The following LDLRAD4 variants were observed in gnomAD, a reference collection of about 807,000 sequenced individuals.
The protein encoded by LDLRAD4 is low-density lipoprotein receptor class A domain-containing protein 4.
LDLRAD4 carries 5 observed loss-of-function variants against 17.0 expected under a neutral mutation model. The observed-to-expected ratio is 0.29, with a 90% CI of 0.15 to 0.62. The LOEUF (loss-of-function observed/expected upper bound fraction) is 0.62. Among genes scored for constraint, LDLRAD4 ranks in the 20% least tolerant of loss-of-function variants. LDLRAD4 has a pLI of 0.84. For missense variants in LDLRAD4, 340 were observed against 424.7 expected (o/e 0.80, Z 1.75); for synonymous variants, 168 against 171.8 (o/e 0.98, Z 0.17).
At chr18:13,430,968 A>AG (rs1275031383) in intron 2 of LDLRAD4, among the ~76,000 whole-genome samples, 1 of 152,230 alleles carries the variant, frequency 6.6e-6, no homozygotes, top group African/African-American at 2.4e-5. Flanking sequence ...ATCCTCATGA[A>AG]GAAGGACTCA....
intron 3 of LDLRAD4, among the ~76,000 whole-genome samples, chr18:13,518,181 T>C (rs915242914): frequency 3.9e-5 from 6 of 152,188 alleles, no homozygotes; most frequent in Non-Finnish European, 8.8e-5. Context: ...ATTATCCTCC[T>C]CTTGTGATGA....
At chr18:13,543,791 A>G (rs561213483) in intron 3 of LDLRAD4, among the ~76,000 whole-genome samples, 5 of 152,170 alleles carry the variant, frequency 3.3e-5, no homozygotes, top group African/African-American at 1.2e-4. Context: ...CCCTTGGGAA[A>G]GTCAGTGAAA....
At position 13,572,877 on chromosome 18, in the gene LDLRAD4, G is replaced by A. The variant is rs146081052; in HGVS notation, c.182-48240G>A. Among the ~76,000 whole-genome samples, 312 of 152,324 alleles carry A rather than the reference G, an allele frequency of 2.0e-3. 2 individuals are homozygous for A. The highest frequency in any genetic ancestry group is 0.016 in the South Asian group (76 of 4,826). ...TAAAGCACATGCCCTGTCCCTTCCC[G>A]ATAGCAGCAGCGCAGAGGGCACAGA... is the stretch of plus-strand genomic sequence containing the variant. On this transcript the variant is annotated intron_variant, in intron 3 of 5. Transcript: ENST00000359446.
At chr18:13,383,228 A>T (rs1181642123) in intron 1 of LDLRAD4, among the ~76,000 whole-genome samples, 3 of 152,304 alleles carry the variant, frequency 2.0e-5, no homozygotes, top group South Asian at 2.1e-4. Flanking sequence ...TCCTTCACTC[A>T]TGTGTTCGCT....
In LDLRAD4 at chr18:13,316,549, G is replaced by A. The variant is rs540092180; in HGVS notation, c.-383+38361G>A. 9.8e-5 allele frequency among the ~76,000 whole-genome samples: 15 copies of A among 152,340 alleles called. No individual in the cohort carries two copies. In the South Asian group the frequency reaches 2.7e-3, roughly 27 times the overall value. On this transcript the variant is annotated intron_variant, in intron 1 of 5. Coordinates refer to ENST00000359446, the Ensembl canonical transcript of LDLRAD4. ...AGCCACGTAAACAGCAAAGCCACGG[G>A]TGGTTCTGAGTGGACAGCGACTACC...
At chr18:13,541,778 C>A (rs1322074486) in intron 3 of LDLRAD4, among the ~76,000 whole-genome samples, 1 of 152,162 alleles carries the variant, frequency 6.6e-6, no homozygotes, top group Non-Finnish European at 1.5e-5. Context: ...GACCGCCAGG[C>A]GTGGTGGCTC....
At chr18:13,245,397 C>T (rs2042907044) in intron 1 of LDLRAD4, among the ~76,000 whole-genome samples, 1 of 152,200 alleles carries the variant, frequency 6.6e-6, no homozygotes, top group Non-Finnish European at 1.5e-5. Flanking sequence ...TTTATTCCAG[C>T]AGGAAATACT....
intron 2 of LDLRAD4, among the ~76,000 whole-genome samples, chr18:13,391,373 G>A (rs2086263511): frequency 6.6e-6 from 1 of 152,120 alleles, no homozygotes; most frequent in South Asian, 2.1e-4. Flanking sequence ...CCATGAAGGG[G>A]GTGGGAGTTT....
intron 1 of LDLRAD4, among the ~76,000 whole-genome samples, chr18:13,317,583 G>A (rs1263726884): frequency 6.6e-6 from 1 of 152,158 alleles, no homozygotes; most frequent in African/African-American, 2.4e-5. Context: ...ATTTTCCGTG[G>A]GTGCCACTGG....
At chr18:13,478,250 T>C (rs1034521848) in intron 3 of LDLRAD4, among the ~76,000 whole-genome samples, 19 of 152,334 alleles carry the variant, frequency 1.2e-4, no homozygotes, top group African/African-American at 4.3e-4. Context: ...CCAGGCCTGC[T>C]GTAGCATATC....
chr18:13,495,726 A>G (rs80319167), intron 3 of LDLRAD4, among the ~76,000 whole-genome samples: 4,419 of 152,318 alleles, frequency 0.029, 204 homozygotes, highest in African/African-American at 0.1. Flanking sequence ...CAAAGGTCGT[A>G]GGGCCCAGCC....
chr18:13,601,234 G>T (rs1360003710), intron 3 of LDLRAD4, among the ~76,000 whole-genome samples: 1 of 152,112 alleles, frequency 6.6e-6, no homozygotes, highest in Non-Finnish European at 1.5e-5. Flanking sequence ...ATTTAACAAT[G>T]ATCATTTATC....
intron 3 of LDLRAD4, chr18:13,611,342 G>T (rs956220781): frequency 7.5e-5 from 24 of 319,742 alleles, no homozygotes; most frequent in Non-Finnish European, 1.0e-4. Context: ...TGGGCTCCCG[G>T]CAGTGCTTGT....
In LDLRAD4 at chr18:13,501,549, C is replaced by T. The variant is rs138991485; in HGVS notation, c.181+63165C>T. On this transcript the variant is annotated intron_variant, in intron 3 of 5. Coordinates refer to ENST00000359446, the Ensembl canonical transcript of LDLRAD4. ...TTCCTTTCTTTCTCTTTCCCTCCTCCGGAGGTTGGCATTGTGTATTTTCAA... is the reference window on the plus strand; with the variant it reads ...TTCCTTTCTTTCTCTTTCCCTCCTCTGGAGGTTGGCATTGTGTATTTTCAA... 5.6e-4 allele frequency among the ~76,000 whole-genome samples: 85 copies of T among 150,986 alleles called. No individual in the cohort carries two copies. In the East Asian group the frequency reaches 6.4e-3, roughly 11 times the overall value.
chr18:13,637,555 G>A (rs917252655), intron 4 of LDLRAD4, among the ~76,000 whole-genome samples: 5 of 152,120 alleles, frequency 3.3e-5, no homozygotes, highest in Admixed American at 6.5e-5. Flanking sequence ...GTCTTTAAAG[G>A]AATATCTTAA....
chr18:13,521,889 TAA>T (rs1270842301), intron 3 of LDLRAD4: 1 of 149,972 alleles, frequency 6.7e-6, no homozygotes, highest in East Asian at 1.9e-4. Flanking sequence ...GGCTGGTGAG[TAA>T]TCAGCTCCAA....
chr18:13,405,051 C>T (rs1237646587), intron 2 of LDLRAD4, among the ~76,000 whole-genome samples: 1 of 151,646 alleles, frequency 6.6e-6, no homozygotes, highest in Non-Finnish European at 1.5e-5. Flanking sequence ...GGTCACGGAT[C>T]CCCTAAGGGA....
intron 1 of LDLRAD4, among the ~76,000 whole-genome samples, chr18:13,286,898 G>A (rs1599132189): frequency 6.6e-6 from 1 of 152,196 alleles, no homozygotes; most frequent in East Asian, 1.9e-4. Context: ...TGCAGGGCAG[G>A]TGGGGCAGAA....
chr18:13,422,929 G>A (rs2089621410), intron 2 of LDLRAD4, among the ~76,000 whole-genome samples: 1 of 152,260 alleles, frequency 6.6e-6, no homozygotes, highest in Non-Finnish European at 1.5e-5. Flanking sequence ...AGCTGGTGTT[G>A]GGAAGGAGTG....
Sources: gnomAD v4.1 joint callset for allele counts (sites outside exome capture counted in the v4.1 genomes callset) on GRCh38, gnomAD v4.1.1 for gene constraint, MANE v1.5 for transcripts, NCBI Gene and HGNC (gene_info 2026-07-23, HGNC 2026-07-21) for gene names.